The following PRKAA1 variants were observed in gnomAD, a reference collection of about 807,000 sequenced individuals.
PRKAA1 encodes 5'-AMP-activated protein kinase catalytic subunit alpha-1.
A neutral mutation model predicts 56.9 loss-of-function variants in PRKAA1; 23 were observed. The observed-to-expected ratio is 0.40, with a 90% CI of 0.29 to 0.57. The LOEUF (loss-of-function observed/expected upper bound fraction) is 0.57, where lower values mean the gene tolerates loss of function less well. PRKAA1 is among the 20% of genes least tolerant of loss of function. PRKAA1 has a pLI of 0.39. For synonymous variants in PRKAA1, 226 were observed against 227.0 expected (o/e 1.00, Z 0.04); for missense variants, 413 against 679.7 (o/e 0.61, Z 4.36).
At chr5:40,795,202 C>T (rs1744873826) in intron 1 of PRKAA1, among the ~76,000 whole-genome samples, 1 of 151,870 alleles carries the variant, frequency 6.6e-6, no homozygotes, top group Non-Finnish European at 1.5e-5. Flanking sequence ...GACGCAAAGG[C>T]ATAAGAATGA....
At chr5:40,786,692 G>A (rs1480567729) in intron 1 of PRKAA1, among the ~76,000 whole-genome samples, 1 of 147,912 alleles carries the variant, frequency 6.8e-6, no homozygotes, top group Non-Finnish European at 1.5e-5. Context: ...TGTAATCCCA[G>A]CACCTTGGGA....
intron 1 of PRKAA1, among the ~76,000 whole-genome samples, chr5:40,791,512 T>C (rs993806692): frequency 6.6e-6 from 1 of 152,194 alleles, no homozygotes; most frequent in Middle Eastern, 3.2e-3. Flanking sequence ...CTCTTCTAAT[T>C]AGATATATAA....
rs1203107536 is a variant in PRKAA1, at chr5:40,762,336, G to A, written c.*442C>T. 6.1e-6 allele frequency: 1 copy of A among 164,786 alleles called. No homozygotes were observed. The highest frequency in any genetic ancestry group is 1.3e-5 in the Non-Finnish European group (1 of 75,276). 10.2% of individuals were successfully genotyped at this position (164,786 alleles called of 1,614,324 possible). On this transcript the variant is annotated 3_prime_UTR_variant, in exon 9 of 9. Transcript: ENST00000397128. Reference sequence around the variant, plus strand: ...CTGTTACTACTGCTGGAAGATACTAGCTATTTATGAAGTTAAGGAGCCCAG... The same window carrying A: ...CTGTTACTACTGCTGGAAGATACTAACTATTTATGAAGTTAAGGAGCCCAG...
chr5:40,776,221 T>C (rs185778597), intron 2 of PRKAA1, among the ~76,000 whole-genome samples: 233 of 152,166 alleles, frequency 1.5e-3, no homozygotes, highest in Non-Finnish European at 2.6e-3. Flanking sequence ...CCTAGCTTGA[T>C]TGTGAAGGAA....
intron 1 of PRKAA1, among the ~76,000 whole-genome samples, chr5:40,793,619 T>C (rs549224716): frequency 1.3e-5 from 2 of 152,366 alleles, no homozygotes; most frequent in South Asian, 2.1e-4. Flanking sequence ...TCTAAACATA[T>C]GGTTAACCCT....
intron 3 of PRKAA1, among the ~76,000 whole-genome samples, chr5:40,772,664 C>T (rs1743803472): frequency 6.6e-6 from 1 of 151,958 alleles, no homozygotes; most frequent in South Asian, 2.1e-4. Flanking sequence ...GATCCAGTCT[C>T]GTTCTGTCAT....
intron 5 of PRKAA1, among the ~76,000 whole-genome samples, chr5:40,768,064 A>G (rs990380631): frequency 6.8e-6 from 1 of 148,054 alleles, no homozygotes; most frequent in East Asian, 1.9e-4. Context: ...CTCTGAGCCC[A>G]CAATCCCAAT....
intron 1 of PRKAA1, among the ~76,000 whole-genome samples, chr5:40,789,712 G>A (rs949353518): frequency 1.3e-5 from 2 of 152,126 alleles, no homozygotes; most frequent in Admixed American, 1.3e-4. Context: ...TCCTGGTGTT[G>A]TATTGCATAG....
intron 5 of PRKAA1, chr5:40,769,061 T>C (rs1166850975): frequency 2.8e-6 from 2 of 711,186 alleles, no homozygotes; most frequent in Non-Finnish European, 4.5e-6. Context: ...TGTAAAAAAT[T>C]AAAGCTACAC....
chr5:40,767,366 C>A, intron 6 of PRKAA1, 100 bp downstream of exon 6: 1 of 923,852 alleles, frequency 1.1e-6, no homozygotes, highest in Non-Finnish European at 1.6e-6. Context: ...CACATAAAAA[C>A]AGGATTACAC....
intron 1 of PRKAA1, among the ~76,000 whole-genome samples, chr5:40,796,173 G>A (rs1329352901): frequency 3.9e-5 from 6 of 151,954 alleles, no homozygotes; most frequent in African/African-American, 9.7e-5. Context: ...GAAATTAGCC[G>A]GGTGTGGTGG....
intron 1 of PRKAA1, among the ~76,000 whole-genome samples, chr5:40,795,783 A>G (rs1040329194): frequency 6.6e-6 from 1 of 152,242 alleles, no homozygotes; most frequent in Non-Finnish European, 1.5e-5. Context: ...AAATTTAACC[A>G]TATCTATGAA....
At chr5:40,778,360 C>T (rs1744113169) in intron 1 of PRKAA1, among the ~76,000 whole-genome samples, 2 of 152,152 alleles carry the variant, frequency 1.3e-5, no homozygotes, top group South Asian at 4.1e-4. Context: ...AGATTCATCC[C>T]AAATGTTCAG....
At chr5:40,791,037 T>G (rs1473054570) in intron 1 of PRKAA1, among the ~76,000 whole-genome samples, 4 of 152,190 alleles carry the variant, frequency 2.6e-5, no homozygotes, top group Non-Finnish European at 5.9e-5. Flanking sequence ...CCAAGTCTTT[T>G]GACCTATCCA....
chr5:40,778,426 T>G (rs1431091147), intron 1 of PRKAA1, among the ~76,000 whole-genome samples: 1 of 152,192 alleles, frequency 6.6e-6, no homozygotes, highest in Non-Finnish European at 1.5e-5. Flanking sequence ...CAGTGGTTTC[T>G]TCCAGAAGAG....
chr5:40,763,078 TG>T (rs1479242466), intron 8 of PRKAA1, 56 bp from the exon 9 acceptor site: 1 of 1,579,444 alleles, frequency 6.3e-7, no homozygotes, highest in South Asian at 1.1e-5. Flanking sequence ...CAAAAATTTT[TG>T]TAACAGTATT....
chr5:40,768,672 C>G, intron 5 of PRKAA1: 1 of 1,238,128 alleles, frequency 8.1e-7, no homozygotes, highest in Non-Finnish European at 1.0e-6. Context: ...AGTATTTCTG[C>G]ATTGAGTTAA....
chr5:40,760,772 T>C lies in PRKAA1; in HGVS notation c.*2006A>G, dbSNP rs1161277856. 1 of 152,734 alleles carries C rather than the reference T, an allele frequency of 6.5e-6. No homozygotes were observed. The highest frequency in any genetic ancestry group is 1.5e-5 in the Non-Finnish European group (1 of 67,992). The allele number at this position is 152,734 out of a possible 1,614,324, so 9.5% of individuals were successfully genotyped here. On this transcript the variant is annotated 3_prime_UTR_variant, in exon 9 of 9. Transcript: ENST00000397128. ...ACCATTTATGCAAGCTATCATGACATTTGAGTTCATTATCATCTGGTTACA... is the reference window on the plus strand; with the variant it reads ...ACCATTTATGCAAGCTATCATGACACTTGAGTTCATTATCATCTGGTTACA...
chr5:40,765,261 AG>A, intron 6 of PRKAA1, 23 bp from the exon 7 acceptor site: 2 of 1,589,920 alleles, frequency 1.3e-6, no homozygotes. Flanking sequence ...TGGCAGGATC[AG>A]GAGAAGGACT....
Sources: gnomAD v4.1 joint callset for allele counts (sites outside exome capture counted in the v4.1 genomes callset) on GRCh38, gnomAD v4.1.1 for gene constraint, MANE v1.5 for transcripts, NCBI Gene and HGNC (gene_info 2026-07-23, HGNC 2026-07-21) for gene names.